The following FHOD1 variants were observed in gnomAD, a reference collection of about 807,000 sequenced individuals.
FHOD1 encodes the protein formin homology 2 domain containing 1.
A neutral mutation model predicts 111.6 loss-of-function variants in FHOD1; 89 were observed. The observed-to-expected ratio is 0.80, with a 90% CI of 0.67 to 0.95. The LOEUF (loss-of-function observed/expected upper bound fraction) is 0.95. Ranked by LOEUF, FHOD1 falls within the 40% of genes least tolerant of loss-of-function variation. The pLI is 0.00. For missense variants in FHOD1, 1,446 were observed against 1,554.2 expected (o/e 0.93, Z 1.17); for synonymous variants, 618 against 639.0 (o/e 0.97, Z 0.50).
At position 67,238,898 on chromosome 16, in the gene FHOD1, C is replaced by T; in HGVS notation, c.373+5G>A. On this transcript the variant is annotated splice_donor_5th_base_variant and intron_variant, in intron 3 of 21. Transcript: ENST00000258201. The surrounding 1 kb of genome is among the most constrained non-coding windows in gnomAD (Gnocchi z 4.2). The stretch of plus-strand genomic sequence containing the variant: ...TGCTGGACATGGATGCTCTCACACA[C>T]TCACCCAAGATAGCGTTGACCCTCA... 1 of 1,614,172 alleles carries T rather than the reference C, an allele frequency of 6.2e-7. No individual in the cohort carries two copies. Among genetic ancestry groups the T allele is most frequent in the Non-Finnish European group, 8.5e-7 (1 of 1,179,984 alleles).
Position 67,238,595 on chromosome 16 carries a change from A to C in FHOD1, c.374-148T>G. The C allele has an allele frequency of 1.2e-6, 1 of 804,816 alleles. No homozygotes were observed. Among genetic ancestry groups the C allele is most frequent in the South Asian group, 1.6e-5 (1 of 63,872 alleles). 49.9% of individuals were successfully genotyped at this position (804,816 alleles called of 1,614,324 possible). On this transcript the variant is annotated intron_variant, in intron 3 of 21. Coordinates refer to ENST00000258201, the MANE Select transcript of FHOD1 (RefSeq NM_013241.3). The surrounding 1 kb of genome is among the most constrained non-coding windows in gnomAD (Gnocchi z 4.2). ...GGTCTCACTCTGTCACTCAGGCTGG[A>C]GTGTGGAGTGCAGTGGCACAGTCAT... is the stretch of plus-strand genomic sequence containing the variant.
rs2034162086 is a variant in FHOD1, at chr16:67,229,557, TCTG to T, written c.*76_*78del. 7.6e-7 allele frequency: 1 copy of T among 1,320,912 alleles called. No individual in the cohort carries two copies. The highest frequency in any genetic ancestry group is 1.4e-5 in the African/African-American group (1 of 69,318). 81.8% of individuals were successfully genotyped at this position (1,320,912 alleles called of 1,614,324 possible). A position where few individuals can be genotyped will look rare whatever the true frequency, so the allele number is the denominator to read the frequency against. The stretch of plus-strand genomic sequence containing the variant: ...GGGCACAGAGTTCTGGGGCCAGAAT[TCTG>T]CTCTGGGCCCTCCTCACTCTGTCAT... On this transcript the variant is annotated 3_prime_UTR_variant, in exon 22 of 22. Transcript: ENST00000258201.
rs771504974 is a variant in FHOD1 at position 67,247,449 on chromosome 16, C to T, written c.-39G>A. 5 of 1,599,654 alleles carry T rather than the reference C, an allele frequency of 3.1e-6. No homozygotes were observed. Among genetic ancestry groups the T allele is most frequent in the South Asian group, 1.1e-5 (1 of 90,022 alleles). On this transcript the variant is annotated 5_prime_UTR_variant, in exon 1 of 22. Coordinates refer to ENST00000258201, the MANE Select transcript of FHOD1 (RefSeq NM_013241.3). ...GCTCACGCAGCGCGCCTCCGAGTCC[C>T]GGCCCCAGTGCAGCTTCTACTCAAA...
intron 1 of FHOD1, among the ~76,000 whole-genome samples, chr16:67,240,900 C>T (rs2034645151): frequency 6.6e-6 from 1 of 152,246 alleles, no homozygotes; most frequent in Non-Finnish European, 1.5e-5. Flanking sequence ...CTCCATCTTA[C>T]TGGGCATGTC....
In FHOD1 at chr16:67,230,403, G is replaced by A. The variant is rs747061959; in HGVS notation, c.2962C>T (p.Arg988Trp). 47 of 1,614,110 alleles carry A rather than the reference G, an allele frequency of 2.9e-5. No individual in the cohort carries two copies. Among genetic ancestry groups the A allele is most frequent in the Middle Eastern group, 1.6e-4 (1 of 6,084 alleles). ...HTLREFALEYRTCRERVLQQQ... is the reference protein window; with the variant it reads ...HTLREFALEYWTCRERVLQQQ... ...TGTAGCACTCGTTCCCGGCAAGTCCGATACTCAAGCGCAAATTCCCGCAGC... is the reference window on the plus strand; with the variant it reads ...TGTAGCACTCGTTCCCGGCAAGTCCAATACTCAAGCGCAAATTCCCGCAGC... Residue 988 changes from arginine (R) to tryptophan (W), a missense_variant, in exon 19 of 22, where the codon CGG (arginine) becomes TGG (tryptophan). By Grantham distance (101) the Arg-to-Trp change is moderately radical. Transcript: ENST00000258201.
At chr16:67,246,759 C>T (rs778270889) in intron 1 of FHOD1, among the ~76,000 whole-genome samples, 1 of 152,198 alleles carries the variant, frequency 6.6e-6, no homozygotes, top group Non-Finnish European at 1.5e-5. Context: ...CCTGACACCG[C>T]AGGAAACCTC....
chr16:67,233,716 C>T lies in FHOD1; in HGVS notation c.1987G>A (p.Asp663Asn), dbSNP rs200811858. ...AAGAGGTGTTCCAGTCGGGCCGTGTCCACTGAGACAGGGTCCAGTGAAGCC... is the reference window on the plus strand; with the variant it reads ...AAGAGGTGTTCCAGTCGGGCCGTGTTCACTGAGACAGGGTCCAGTGAAGCC... ...LWASLDPVSV[D>N]TARLEHLFES... is the part of the protein sequence containing the mutation. The change falls in exon 13 of 22, where the codon GAC (aspartate) becomes AAC (asparagine). Residue 663 changes from aspartate to asparagine, a missense_variant. This residue lies in a region of FHOD1 where 1,085 missense variants were observed against 1,108.8 expected (regional missense o/e 0.98). Coordinates refer to ENST00000258201, the MANE Select transcript of FHOD1 (RefSeq NM_013241.3). 3.7e-6 allele frequency: 6 copies of T among 1,612,004 alleles called. No homozygotes were observed. The highest frequency in any genetic ancestry group is 1.3e-5 in the African/African-American group (1 of 74,970).
In FHOD1 at chr16:67,229,863, T is replaced by C. The variant is rs1447044220; in HGVS notation, c.3342A>G (p.Ser1114=). ...SDEIMDLLVQ[S]VTKSSPRALA... ...AGGCACGAGGACTGCTCTTGGTCAC[T>C]GACTGCACCAGAAGGTCCATGATCT... is the stretch of plus-strand genomic sequence containing the variant. Residue 1114 remains serine, a synonymous_variant, in exon 21 of 22, where the codon TCA becomes TCG. Coordinates refer to ENST00000258201, the MANE Select transcript of FHOD1 (RefSeq NM_013241.3). 6.2e-7 allele frequency: 1 copy of C among 1,614,112 alleles called. No individual in the cohort carries two copies. The highest frequency in any genetic ancestry group is 1.3e-5 in the African/African-American group (1 of 74,940).
chr16:67,230,971 TG>T (rs1435431187), intron 17 of FHOD1, 180 bp from the exon 18 acceptor site: 3 of 830,068 alleles, frequency 3.6e-6, no homozygotes, highest in Non-Finnish European at 5.5e-6. Context: ...GAAGGTTTAC[TG>T]GGGGAAGTGG....
At position 67,247,200 on chromosome 16, in the gene FHOD1, C is replaced by T; in HGVS notation, c.201+10G>A. On this transcript the variant is annotated intron_variant, in intron 1 of 21. Coordinates refer to ENST00000258201, the MANE Select transcript of FHOD1 (RefSeq NM_013241.3). Reference sequence around the variant, plus strand: ...CCCGATCGCCCCAACCTTTCTCCGGCCTCCCTCACCTTGAGCGGCGCTCCC... The same window carrying T: ...CCCGATCGCCCCAACCTTTCTCCGGTCTCCCTCACCTTGAGCGGCGCTCCC... 6.5e-7 allele frequency: 1 copy of T among 1,542,058 alleles called. No individual in the cohort carries two copies. Among genetic ancestry groups the T allele is most frequent in the Non-Finnish European group, 8.7e-7 (1 of 1,148,924 alleles).
intron 13 of FHOD1, among the ~76,000 whole-genome samples, chr16:67,232,916 C>G (rs966556953): frequency 1.3e-5 from 2 of 151,246 alleles, no homozygotes; most frequent in African/African-American, 4.9e-5. Context: ...GCCACCACGC[C>G]CAGCTCATTT....
rs536908912 is a variant in FHOD1 at position 67,231,001 on chromosome 16, G to A, written c.2667+187C>T. On this transcript the variant is annotated intron_variant, in intron 17 of 21. Coordinates refer to ENST00000258201, the MANE Select transcript of FHOD1 (RefSeq NM_013241.3). The surrounding 1 kb of genome is among the most constrained non-coding windows in gnomAD (Gnocchi z 4.3). ...GAAGTGGCAGTTAAACAGACCCAAA[G>A]ACTGAGTAGGTGTGGCCAGGCCAAT... 2 of 866,290 alleles carry A rather than the reference G, an allele frequency of 2.3e-6. No homozygotes were observed. The highest frequency in any genetic ancestry group is 3.4e-5 in the African/African-American group (2 of 58,768). The allele number at this position is 866,290 out of a possible 1,614,324, so 53.7% of individuals were successfully genotyped here.
rs1270025141 is a variant in FHOD1, at chr16:67,230,196, G to T, written c.3084C>A (p.Ala1028=). The T allele has an allele frequency of 6.2e-7, 1 of 1,614,002 alleles. No individual in the cohort carries two copies. The highest frequency in any genetic ancestry group is 1.1e-5 in the South Asian group (1 of 91,088). ...TEKFSGVAGE[A]PSNPSVPVAV... ...CTACTGGGACAGAGGGGTTGCTGGG[G>T]GCTTCCCCAGCCACACCTGAGAACT... Residue 1028 remains alanine, a synonymous_variant, in exon 20 of 22, where the codon GCC becomes GCA. Transcript: ENST00000258201.
intron 13 of FHOD1, among the ~76,000 whole-genome samples, chr16:67,232,538 AAAAG>A (rs2034320404): frequency 6.6e-6 from 1 of 151,548 alleles, no homozygotes; most frequent in Non-Finnish European, 1.5e-5. Flanking sequence ...AAAAAAAAAA[AAAAG>A]ACTGAGGAAG....
At chr16:67,236,491 G>C in intron 11 of FHOD1, 66 bp downstream of exon 11, 1 of 1,573,952 alleles carries the variant, frequency 6.4e-7, no homozygotes, top group Non-Finnish European at 8.6e-7. Context: ...AGTGCCCATG[G>C]AGGGGCGCAA....
At position 67,231,785 on chromosome 16, in the gene FHOD1, C is replaced by T. The variant is rs774658881; in HGVS notation, c.2237G>A (p.Arg746Gln). ...CAGCTGGGCTTCCTCAATCTTCTGC[C>T]GCTCTTCCTCCGTGGGCATCATGGT... is the stretch of plus-strand genomic sequence containing the variant. The part of the protein sequence containing the change: ...LLTMMPTEEE[R>Q]QKIEEAQLAN... Residue 746 changes from arginine to glutamine, a missense_variant, in exon 15 of 22, where the codon CGG (arginine) becomes CAG (glutamine). Around this residue, in one of 3 missense-constraint regions of FHOD1, gnomAD observed 1,085 missense variants for 1,108.8 expected, o/e 0.98. Transcript: ENST00000258201. The surrounding 1 kb of genome is among the most constrained non-coding windows in gnomAD (Gnocchi z 4.3). 1.4e-5 allele frequency: 23 copies of T among 1,614,052 alleles called. 1 individual carries two copies. The highest frequency in any genetic ancestry group is 7.7e-5 in the South Asian group (7 of 91,082).
Position 67,231,735 on chromosome 16 carries a change from G to A in FHOD1, c.2287C>T (p.Pro763Ser). ...AGAGTCATCAGGAAGTTCTCGGCTG[G>A]GCCCAGGGGTATGTCAGGGTTGGCC... Reference protein sequence around the residue: ...QLANPDIPLGPAENFLMTLAS... With the variant: ...QLANPDIPLGSAENFLMTLAS... Residue 763 changes from proline (P) to serine (S), a missense_variant, in exon 15 of 22, where the codon CCA (proline) becomes TCA (serine). Physicochemically the swap from Pro to Ser is moderately conservative, Grantham distance 74. Coordinates refer to ENST00000258201, the MANE Select transcript of FHOD1 (RefSeq NM_013241.3). This position sits in a 1 kb window ranked among gnomAD's most constrained non-coding sequence, Gnocchi z 4.3. 2.5e-6 allele frequency: 4 copies of A among 1,614,076 alleles called. No homozygotes were observed. The highest frequency in any genetic ancestry group is 3.4e-6 in the Non-Finnish European group (4 of 1,180,006).
In FHOD1 at chr16:67,233,989, G is replaced by T; in HGVS notation, c.1714C>A (p.Pro572Thr). The change falls in exon 13 of 22, where the codon CCC (proline) becomes ACC (threonine). Residue 572 changes from proline (P) to threonine (T), a missense_variant. Pro to Thr is a conservative substitution (Grantham distance 38, BLOSUM62 -1). Coordinates refer to ENST00000258201, the MANE Select transcript of FHOD1 (RefSeq NM_013241.3). Reference protein sequence around the residue: ...SVEAGKDIPAPSPPLPLLSGV... With the variant: ...SVEAGKDIPATSPPLPLLSGV... ...GAGAGCAGGGGCAGTGGGGGTGAGG[G>T]AGCTGGGATGTCTTTCCCAGCCTCC... 6.2e-7 allele frequency: 1 copy of T among 1,612,290 alleles called. No homozygotes were observed. The highest frequency in any genetic ancestry group is 1.7e-5 in the Admixed American group (1 of 59,948).
At chr16:67,239,073 G>T (rs1450190501) in intron 2 of FHOD1, 106 bp from the exon 3 acceptor site, 4 of 1,111,432 alleles carry the variant, frequency 3.6e-6, no homozygotes, top group East Asian at 2.5e-5. Flanking sequence ...AGCCCAGCTT[G>T]TTCCTCCCAG....
Sources: allele counts gnomAD v4.1 joint callset (sites outside exome capture counted in the v4.1 genomes callset), GRCh38; gene constraint gnomAD v4.1.1; regional missense constraint gnomAD v4.1.1; non-coding constraint Gnocchi (gnomAD v3.1); transcripts MANE v1.5; gene names NCBI Gene and HGNC (gene_info 2026-07-23, HGNC 2026-07-21).